ADGRV1: variants seen among roughly 807,000 people sequenced by gnomAD.
The protein encoded by ADGRV1 is G-protein coupled receptor 98.
ADGRV1 carries 359 observed loss-of-function variants against 596.2 expected under a neutral mutation model. That is an observed-to-expected ratio of 0.60 (90% CI 0.55 to 0.66). ADGRV1 has a LOEUF of 0.66. ADGRV1 is among the 30% of genes least tolerant of loss of function. The pLI is 0.00. For missense variants in ADGRV1, 7,274 were observed against 7,575.6 expected, an observed-to-expected ratio of 0.96 and a Z score of 1.48; for synonymous variants, 2,681 against 2,679.2, an observed-to-expected ratio of 1.00 and a Z score of -0.02.
chr5:90,841,100 A>G, intron 78 of ADGRV1, 115 bp downstream of exon 78: 2 of 745,038 alleles, frequency 2.7e-6, no homozygotes, highest in Non-Finnish European at 4.0e-6. Context: ...ATTATGATAA[A>G]TTTAGATTTC....
At position 91,068,126 on chromosome 5, in the gene ADGRV1, G is replaced by C. The variant is rs770612858; in HGVS notation, c.18153-4321G>C. Among the ~76,000 whole-genome samples, 123 of 152,116 alleles carry C rather than the reference G, an allele frequency of 8.1e-4. 1 individual carries two copies. Among genetic ancestry groups the C allele is most frequent in the African/African-American group, 2.8e-3 (117 of 41,500 alleles). On this transcript the variant is annotated intron_variant, in intron 85 of 89. Transcript: ENST00000405460. ...ATCTCTTGAAATATGCCTTGTTTAC[G>C]TGAGAAATAAAATAAGCAGATTATG...
chr5:90,630,970 TATGCTGTA>T (rs1179547281), intron 9 of ADGRV1, among the ~76,000 whole-genome samples: 3 of 152,184 alleles, frequency 2.0e-5, no homozygotes, highest in Non-Finnish European at 4.4e-5. Context: ...CTTTTGGGAT[TATGCTGTA>T]GTTTTGTTGT....
intron 84 of ADGRV1, among the ~76,000 whole-genome samples, chr5:90,975,666 A>T (rs1779501361): frequency 6.6e-6 from 1 of 152,164 alleles, no homozygotes; most frequent in East Asian, 1.9e-4. Flanking sequence ...GAACACTTGG[A>T]CACAGCAAGG....
intron 38 of ADGRV1, 90 bp downstream of exon 38, chr5:90,706,484 A>G (rs1294928718): frequency 2.6e-5 from 30 of 1,146,984 alleles, no homozygotes; most frequent in Non-Finnish European, 3.6e-5. Flanking sequence ...CAAGTGCACA[A>G]TGTGCAGGTT....
intron 72 of ADGRV1, among the ~76,000 whole-genome samples, chr5:90,806,996 G>T (rs2150207648): frequency 6.6e-6 from 1 of 152,058 alleles, no homozygotes; most frequent in Middle Eastern, 3.4e-3. Context: ...GGGATTATAG[G>T]CTCGCACCAC....
At chr5:90,911,073 G>A (rs1772840839) in intron 83 of ADGRV1, among the ~76,000 whole-genome samples, 1 of 152,088 alleles carries the variant, frequency 6.6e-6, no homozygotes, top group Admixed American at 6.6e-5. Context: ...CGAGTAATTC[G>A]TGTGTTTTCT....
chr5:90,816,662 T>G (rs1452548972), intron 75 of ADGRV1, among the ~76,000 whole-genome samples: 1 of 150,922 alleles, frequency 6.6e-6, no homozygotes, highest in African/African-American at 2.4e-5. Flanking sequence ...ACATGTGGTG[T>G]TTGGTTTTTT....
In ADGRV1 at chr5:90,581,530, A is replaced by T. The variant is rs140546245; in HGVS notation, c.22+22613A>T. Among the ~76,000 whole-genome samples, 304 of 152,254 alleles carry T rather than the reference A, an allele frequency of 2.0e-3. 2 individuals carry two copies. Among genetic ancestry groups the T allele is most frequent in the African/African-American group, 7.1e-3 (296 of 41,544 alleles). On this transcript the variant is annotated intron_variant, in intron 1 of 89. Coordinates refer to ENST00000405460, the MANE Select transcript of ADGRV1 (RefSeq NM_032119.4). Reference sequence around the variant, plus strand: ...AGTCAAGTCCCTCATCTGCAGGTCAATTGGAGTTTGCTGGAGGTCCACTCC... The same window carrying T: ...AGTCAAGTCCCTCATCTGCAGGTCATTTGGAGTTTGCTGGAGGTCCACTCC...
At chr5:90,999,852 C>G (rs1417153140) in intron 85 of ADGRV1, among the ~76,000 whole-genome samples, 2 of 152,062 alleles carry the variant, frequency 1.3e-5, no homozygotes, top group African/African-American at 4.8e-5. Flanking sequence ...ATGTAAGCAT[C>G]TTGTCAAACA....
chr5:90,612,967 C>T lies in ADGRV1; in HGVS notation c.23-1868C>T, dbSNP rs1024622272. On this transcript the variant is annotated intron_variant, in intron 1 of 89. Transcript: ENST00000405460. ...GTTAAATGCATATTCCTGGTCCTCA[C>T]TTTAGACTCACTGAATCAGAATTTT... is the stretch of plus-strand genomic sequence containing the variant. 1.2e-4 allele frequency among the ~76,000 whole-genome samples: 19 copies of T among 152,194 alleles called. 1 individual carries two copies. The highest frequency in any genetic ancestry group is 4.6e-4 in the African/African-American group (19 of 41,550).
intron 43 of ADGRV1, chr5:90,717,872 A>G (rs896073624): frequency 2.0e-5 from 3 of 152,054 alleles, no homozygotes; most frequent in Non-Finnish European, 4.4e-5. Context: ...TCTGGTCCCA[A>G]ACTCCTGGTG....
At chr5:90,786,844 G>T (rs1759504522) in intron 67 of ADGRV1, among the ~76,000 whole-genome samples, 1 of 152,172 alleles carries the variant, frequency 6.6e-6, no homozygotes, top group African/African-American at 2.4e-5. Context: ...AGATACTACT[G>T]ACATCCCAGG....
intron 86 of ADGRV1, among the ~76,000 whole-genome samples, chr5:91,085,812 G>A (rs1789820177): frequency 6.6e-6 from 1 of 152,102 alleles, no homozygotes; most frequent in South Asian, 2.1e-4. Context: ...TCGTAATGCC[G>A]CTGCTTTATC....
chr5:90,832,962 T>A (rs2150336364), intron 77 of ADGRV1, among the ~76,000 whole-genome samples: 1 of 152,188 alleles, frequency 6.6e-6, no homozygotes, highest in South Asian at 2.1e-4. Context: ...TTGGTCTATA[T>A]GTCTGTTTTT....
At position 90,829,065 on chromosome 5, in the gene ADGRV1, T is replaced by C. The variant is rs1764307569; in HGVS notation, c.16490T>C (p.Leu5497Pro). ...TTAGAAAGTGATGAATCTCAAAGCC[T>C]TGTGTATTTTTCTGTGGGTTCTCGG... ...KILESDESQS[L>P]VYFSVGSRLA... The change falls in exon 77 of 90, where the codon CTT becomes CCT. Residue 5497 changes from leucine (L) to proline (P), a missense_variant. Physicochemically the swap from Leu to Pro is moderately conservative, Grantham distance 98 (BLOSUM62 -3). Around this residue, in one of 5 missense-constraint regions of ADGRV1, gnomAD observed 1,874 missense variants for 1,970.2 expected, o/e 0.95. Coordinates refer to ENST00000405460, the MANE Select transcript of ADGRV1 (RefSeq NM_032119.4). The C allele has an allele frequency of 6.2e-7, 1 of 1,612,724 alleles. No individual in the cohort carries two copies. The highest frequency in any genetic ancestry group is 1.1e-5 in the South Asian group (1 of 90,922).
chr5:91,081,448 A>G (rs1346349505), intron 86 of ADGRV1, among the ~76,000 whole-genome samples: 1 of 152,182 alleles, frequency 6.6e-6, no homozygotes, highest in Non-Finnish European at 1.5e-5. Flanking sequence ...TGGCCATGTC[A>G]TAAAATCATC....
At chr5:90,648,576 C>G (rs1033440299) in intron 17 of ADGRV1, among the ~76,000 whole-genome samples, 1 of 152,086 alleles carries the variant, frequency 6.6e-6, no homozygotes, top group African/African-American at 2.4e-5. Context: ...TGTGTTCCAC[C>G]TTGTGCCTTT....
chr5:90,647,787 TG>T, intron 17 of ADGRV1, 23 bp downstream of exon 17: 2 of 1,598,188 alleles, frequency 1.3e-6, no homozygotes, highest in Non-Finnish European at 1.7e-6. Flanking sequence ...TGCTTTTTTA[TG>T]GCAGATCTGC....
chr5:90,863,734 T>C (rs1237591379), intron 82 of ADGRV1, 23 bp from the exon 83 acceptor site: 28 of 1,512,676 alleles, frequency 1.9e-5, no homozygotes, highest in Non-Finnish European at 2.6e-5. Flanking sequence ...TTAAACCATA[T>C]GTGGACTTTT....
Sources: gnomAD v4.1 joint callset for allele counts (sites outside exome capture counted in the v4.1 genomes callset) on GRCh38, gnomAD v4.1.1 for gene constraint, gnomAD v4.1.1 regional missense constraint, MANE v1.5 for transcripts, NCBI Gene and HGNC (gene_info 2026-07-23, HGNC 2026-07-21) for gene names.